FGGY: variants seen among roughly 807,000 people sequenced by gnomAD.
FGGY encodes FGGY carbohydrate kinase domain-containing protein.
Under a neutral mutation model 71.3 loss-of-function variants are expected in FGGY, and 72 were observed. The ratio of observed to expected loss-of-function variants is 1.01; its 90% CI spans 0.84 to 1.23. The LOEUF is 1.23. Among genes scored for constraint, FGGY ranks in the 50% most tolerant of loss-of-function variants. The pLI is 0.00. For missense variants in FGGY, 668 were observed against 682.3 expected, an observed-to-expected ratio of 0.98 and a Z score of 0.23; for synonymous variants, 251 against 250.3, an observed-to-expected ratio of 1.00 and a Z score of -0.02.
At chr1:59,694,343 A>T (rs1307111884) in intron 14 of FGGY, among the ~76,000 whole-genome samples, 1 of 151,296 alleles carries the variant, frequency 6.6e-6, no homozygotes, top group Non-Finnish European at 1.5e-5. Flanking sequence ...AAAATACTGA[A>T]AGCTCCATGT....
intron 7 of FGGY, among the ~76,000 whole-genome samples, chr1:59,534,902 A>G (rs1379959417): frequency 1.3e-5 from 2 of 152,084 alleles, no homozygotes; most frequent in Non-Finnish European, 2.9e-5. Context: ...GACCATCGAG[A>G]CTAGGAAGAA....
At chr1:59,711,190 A>G (rs1392444972) in intron 14 of FGGY, among the ~76,000 whole-genome samples, 2 of 152,154 alleles carry the variant, frequency 1.3e-5, no homozygotes, top group Non-Finnish European at 2.9e-5. Flanking sequence ...CTAACACAGG[A>G]ACAGAAAACC....
intron 14 of FGGY, among the ~76,000 whole-genome samples, chr1:59,683,484 C>G (rs1481233098): frequency 1.3e-5 from 2 of 152,158 alleles, no homozygotes; most frequent in Non-Finnish European, 2.9e-5. Context: ...ACCCAGCTCC[C>G]CCCAAATCAG....
chr1:59,624,626 T>G (rs2153837084), intron 9 of FGGY, among the ~76,000 whole-genome samples: 1 of 151,906 alleles, frequency 6.6e-6, no homozygotes, highest in African/African-American at 2.4e-5. Flanking sequence ...TGGGGAGGCG[T>G]CACAATCATA....
At chr1:59,371,929 A>G (rs1338068140) in intron 4 of FGGY, among the ~76,000 whole-genome samples, 3 of 152,226 alleles carry the variant, frequency 2.0e-5, no homozygotes, top group East Asian at 1.9e-4. Flanking sequence ...GGAAATTTAT[A>G]GCACTAAATG....
At chr1:59,581,868 T>C (rs2096200492) in intron 8 of FGGY, among the ~76,000 whole-genome samples, 1 of 150,024 alleles carries the variant, frequency 6.7e-6, no homozygotes, top group Non-Finnish European at 1.5e-5. Context: ...TTATTAGAGC[T>C]TAAGTGATCT....
At chr1:59,321,032 G>C (rs1458280117) in intron 1 of FGGY, among the ~76,000 whole-genome samples, 1 of 152,194 alleles carries the variant, frequency 6.6e-6, no homozygotes, top group East Asian at 1.9e-4. Context: ...TCACCTTCTA[G>C]AGTCATAGTG....
intron 8 of FGGY, among the ~76,000 whole-genome samples, chr1:59,586,715 A>G (rs2096295795): frequency 6.6e-6 from 1 of 152,192 alleles, no homozygotes; most frequent in Non-Finnish European, 1.5e-5. Flanking sequence ...AAGCCTGGAA[A>G]AAAAGTGGTA....
chr1:59,377,157 C>T (rs768364822), intron 4 of FGGY, among the ~76,000 whole-genome samples: 1 of 152,074 alleles, frequency 6.6e-6, no homozygotes, highest in Non-Finnish European at 1.5e-5. Flanking sequence ...AGGAGACAAT[C>T]ATCCAATGTC....
At chr1:59,632,321 C>G (rs2096915662) in intron 10 of FGGY, among the ~76,000 whole-genome samples, 1 of 152,102 alleles carries the variant, frequency 6.6e-6, no homozygotes, top group South Asian at 2.1e-4. Flanking sequence ...TTTCAAAGCC[C>G]TTAATGTTGT....
At chr1:59,433,241 C>T (rs1048829414) in intron 5 of FGGY, among the ~76,000 whole-genome samples, 3 of 152,130 alleles carry the variant, frequency 2.0e-5, no homozygotes, top group Admixed American at 2.0e-4. Flanking sequence ...TATCCCCACC[C>T]GCAGCCAGAT....
At chr1:59,398,583 G>T (rs186739768) in intron 5 of FGGY, among the ~76,000 whole-genome samples, 1 of 152,112 alleles carries the variant, frequency 6.6e-6, no homozygotes, top group Non-Finnish European at 1.5e-5. Context: ...CATTTGCCAT[G>T]GGAAAATGGG....
chr1:59,528,112 G>A (rs554509823), intron 7 of FGGY, among the ~76,000 whole-genome samples: 1 of 152,188 alleles, frequency 6.6e-6, no homozygotes, highest in African/African-American at 2.4e-5. Context: ...TAGCAAGAGG[G>A]GCAGACTAAT....
chr1:59,500,642 T>C (rs2094193908), intron 6 of FGGY, among the ~76,000 whole-genome samples: 1 of 132,084 alleles, frequency 7.6e-6, no homozygotes, highest in Non-Finnish European at 1.5e-5. Context: ...CACTCTTCAT[T>C]GTAGCACACT....
chr1:59,577,072 T>C (rs1299127991), intron 8 of FGGY, among the ~76,000 whole-genome samples: 1 of 152,170 alleles, frequency 6.6e-6, no homozygotes, highest in Non-Finnish European at 1.5e-5. Context: ...GCCAAAAATA[T>C]CACTACTTTC....
chr1:59,538,379 C>T (rs969248192), intron 7 of FGGY, among the ~76,000 whole-genome samples: 1 of 151,888 alleles, frequency 6.6e-6, no homozygotes, highest in East Asian at 1.9e-4. Context: ...AATAGGAACA[C>T]TTTTACACTG....
At chr1:59,695,738 C>T (rs1247709046) in intron 14 of FGGY, among the ~76,000 whole-genome samples, 4 of 152,172 alleles carry the variant, frequency 2.6e-5, no homozygotes, top group African/African-American at 9.7e-5. Context: ...CAGTGCTGGG[C>T]CTGGACCGTG....
intron 14 of FGGY, among the ~76,000 whole-genome samples, chr1:59,737,602 T>A (rs2101125089): frequency 6.6e-6 from 1 of 152,360 alleles, no homozygotes. Context: ...GTAGCCCCTT[T>A]GTTTTGGCCA....
intron 6 of FGGY, 137 bp downstream of exon 6, chr1:59,457,213 A>G (rs1026301996): frequency 1.5e-6 from 1 of 648,332 alleles, no homozygotes; most frequent in Non-Finnish European, 2.7e-6. Context: ...TCCAAGACAA[A>G]TGAGTTAATT....
Sources: allele counts gnomAD v4.1 joint callset (sites outside exome capture counted in the v4.1 genomes callset), GRCh38; gene constraint gnomAD v4.1.1; transcripts MANE v1.5; gene names NCBI Gene and HGNC (gene_info 2026-07-23, HGNC 2026-07-21).